The following CACNA2D3 variants were observed in gnomAD, a reference collection of about 807,000 sequenced individuals.
CACNA2D3 encodes the protein calcium voltage-gated channel auxiliary subunit alpha2delta 3.
Under a neutral mutation model 160.6 loss-of-function variants are expected in CACNA2D3, and 60 were observed. The observed-to-expected ratio is 0.37, with a 90% CI of 0.30 to 0.46. CACNA2D3 has a LOEUF of 0.46. CACNA2D3 is among the 20% of genes least tolerant of loss of function. The pLI is 1.00. For missense variants in CACNA2D3, 1,205 were observed against 1,365.0 expected, an observed-to-expected ratio of 0.88 and a Z score of 1.85; for synonymous variants, 558 against 492.9, an observed-to-expected ratio of 1.13 and a Z score of -1.75.
At chr3:54,822,819 C>CTTTCTTTCT (rs1703662804) in intron 14 of CACNA2D3, among the ~76,000 whole-genome samples, 1 of 96,096 alleles carries the variant, frequency 1.0e-5, no homozygotes, top group Admixed American at 1.1e-4. Flanking sequence ...TTCTTTCTTT[C>CTTTCTTTCT]TTTCTTTCTT....
chr3:54,453,762 A>G (rs909040199), intron 4 of CACNA2D3, among the ~76,000 whole-genome samples: 2 of 152,182 alleles, frequency 1.3e-5, no homozygotes, highest in African/African-American at 4.8e-5. Flanking sequence ...TCAACTGCTT[A>G]TATGCCAGAG....
chr3:54,482,978 A>G (rs561108405), intron 4 of CACNA2D3, among the ~76,000 whole-genome samples: 3 of 152,324 alleles, frequency 2.0e-5, no homozygotes, highest in Non-Finnish European at 2.9e-5. Flanking sequence ...AGCAGAGTGC[A>G]TGGAACACTC....
At chr3:54,882,665 C>G (rs1164243774) in intron 21 of CACNA2D3, among the ~76,000 whole-genome samples, 1 of 152,220 alleles carries the variant, frequency 6.6e-6, no homozygotes, top group Non-Finnish European at 1.5e-5. Context: ...ATCCTGCCAG[C>G]TTTGCTGAGT....
intron 4 of CACNA2D3, among the ~76,000 whole-genome samples, chr3:54,476,046 ATTTT>A (rs35383482): frequency 7.4e-6 from 1 of 135,256 alleles, no homozygotes; most frequent in Non-Finnish European, 1.6e-5. Context: ...TGTAAGTTTG[ATTTT>A]TTTTTTTTTT....
chr3:54,575,989 G>C (rs1324763770), intron 8 of CACNA2D3, among the ~76,000 whole-genome samples: 2 of 152,146 alleles, frequency 1.3e-5, no homozygotes, highest in Non-Finnish European at 2.9e-5. Flanking sequence ...ACTGGATGGA[G>C]AGAGGCAAGC....
chr3:55,065,664 C>T lies in CACNA2D3; in HGVS notation c.2988-7781C>T, dbSNP rs111229147. 5.8e-3 allele frequency among the ~76,000 whole-genome samples: 772 copies of T among 133,516 alleles called. 7 individuals are homozygous for T. Among genetic ancestry groups the T allele is most frequent in the African/African-American group, 0.018 (636 of 34,464 alleles). 87.6% of individuals were successfully genotyped at this position (133,516 alleles called of 152,430 possible). The stretch of plus-strand genomic sequence containing the variant: ...CCTGGACGACAGAGCAAGACCATGT[C>T]GAAAGAAAGAAGAGAGAGGAGGGAG... On this transcript the variant is annotated intron_variant, in intron 35 of 37. Coordinates refer to ENST00000474759, the MANE Select transcript of CACNA2D3 (RefSeq NM_018398.3).
intron 4 of CACNA2D3, among the ~76,000 whole-genome samples, chr3:54,474,680 G>C (rs1055131351): frequency 6.6e-6 from 1 of 152,046 alleles, no homozygotes; most frequent in African/African-American, 2.4e-5. Flanking sequence ...AGAGAAAGAA[G>C]GGGAAGAGGG....
chr3:54,918,968 C>T, intron 27 of CACNA2D3: 3 of 1,251,886 alleles, frequency 2.4e-6, no homozygotes, highest in Non-Finnish European at 3.2e-6. Context: ...CCTGCAAAAA[C>T]TTAGGCAGAT....
At chr3:54,241,175 C>T (rs1226745681) in intron 2 of CACNA2D3, among the ~76,000 whole-genome samples, 1 of 152,174 alleles carries the variant, frequency 6.6e-6, no homozygotes, top group Non-Finnish European at 1.5e-5. Flanking sequence ...CTTTTATTTG[C>T]TGCCAAACAT....
At chr3:54,743,062 A>C (rs982697948) in intron 11 of CACNA2D3, among the ~76,000 whole-genome samples, 2 of 152,256 alleles carry the variant, frequency 1.3e-5, no homozygotes, top group Non-Finnish European at 2.9e-5. Context: ...AATGAGCTCT[A>C]TGCTGATAAA....
At chr3:54,463,023 C>T (rs2106848658) in intron 4 of CACNA2D3, among the ~76,000 whole-genome samples, 1 of 151,418 alleles carries the variant, frequency 6.6e-6, no homozygotes, top group South Asian at 2.1e-4. Flanking sequence ...TTTATTTCTC[C>T]TTCACTTCTG....
chr3:54,523,795 G>A (rs988643658), intron 5 of CACNA2D3, among the ~76,000 whole-genome samples: 18 of 151,986 alleles, frequency 1.2e-4, no homozygotes, highest in African/African-American at 3.4e-4. Flanking sequence ...TTGGCATACA[G>A]TTGTTTATAG....
intron 9 of CACNA2D3, among the ~76,000 whole-genome samples, chr3:54,586,646 G>C (rs1360252591): frequency 2.6e-5 from 4 of 152,128 alleles, no homozygotes; most frequent in African/African-American, 9.7e-5. Flanking sequence ...GGATATAGAA[G>C]AGCTGAACAA....
intron 3 of CACNA2D3, among the ~76,000 whole-genome samples, chr3:54,323,763 G>T (rs1054255096): frequency 1.3e-5 from 2 of 152,132 alleles, no homozygotes; most frequent in Non-Finnish European, 1.5e-5. Flanking sequence ...ACCGTGCTGG[G>T]CCCCCACCCC....
intron 4 of CACNA2D3, among the ~76,000 whole-genome samples, chr3:54,451,690 T>C (rs1235172583): frequency 2.0e-5 from 3 of 152,200 alleles, no homozygotes; most frequent in African/African-American, 7.2e-5. Flanking sequence ...TGTGGATTTC[T>C]TTTTGATTAA....
chr3:54,337,783 G>T (rs1704419043), intron 3 of CACNA2D3, among the ~76,000 whole-genome samples: 2 of 152,118 alleles, frequency 1.3e-5, no homozygotes, highest in Non-Finnish European at 2.9e-5. Flanking sequence ...TCCAATAGGT[G>T]GCTATATAAC....
At chr3:54,287,007 A>T (rs1703046741) in intron 2 of CACNA2D3, among the ~76,000 whole-genome samples, 1 of 152,212 alleles carries the variant, frequency 6.6e-6, no homozygotes, top group Non-Finnish European at 1.5e-5. Flanking sequence ...GGCTAGGAAG[A>T]AACTGCATCA....
intron 4 of CACNA2D3, among the ~76,000 whole-genome samples, chr3:54,484,686 T>C (rs1700988432): frequency 6.6e-6 from 1 of 152,228 alleles, no homozygotes; most frequent in Admixed American, 6.5e-5. Flanking sequence ...TAATTGCTTC[T>C]TAACTCTTGT....
intron 2 of CACNA2D3, among the ~76,000 whole-genome samples, chr3:54,173,718 C>T (rs943609597): frequency 1.3e-5 from 2 of 152,234 alleles, no homozygotes; most frequent in Non-Finnish European, 2.9e-5. Context: ...GGCCTTTGCA[C>T]TTTCCAGCCC....
Sources: allele counts gnomAD v4.1 joint callset (sites outside exome capture counted in the v4.1 genomes callset), GRCh38; gene constraint gnomAD v4.1.1; transcripts MANE v1.5; gene names NCBI Gene and HGNC (gene_info 2026-07-23, HGNC 2026-07-21).